Variants in STAU1 observed in about 807,000 individuals in gnomAD.
STAU1 encodes the protein staufen double-stranded RNA binding protein 1.
Under a neutral mutation model 62.9 loss-of-function variants are expected in STAU1, and 13 were observed. The ratio of observed to expected loss-of-function variants is 0.21; its 90% CI spans 0.13 to 0.33. The LOEUF is 0.33. Ranked by LOEUF, STAU1 falls within the 10% of genes least tolerant of loss-of-function variation. The pLI is 1.00. For missense variants in STAU1, 571 were observed against 712.1 expected, an observed-to-expected ratio of 0.80 and a Z score of 2.25; for synonymous variants, 269 against 265.1, an observed-to-expected ratio of 1.01 and a Z score of -0.14.
upstream of STAU1, among the ~76,000 whole-genome samples, chr20:49,190,905 A>AT (rs11477133): frequency 0.38 from 53,423 of 140,234 alleles, 12,371 homozygotes; most frequent in African/African-American, 0.66. Flanking sequence ...GAGATGCTGA[A>AT]TTTTTTTTTT....
the STAU1 span, among the ~76,000 whole-genome samples, chr20:49,202,461 G>A: frequency 6.6e-6 from 1 of 151,678 alleles, no homozygotes; most frequent in African/African-American, 2.4e-5. Flanking sequence ...CTACTGGGGA[G>A]GCTGAGGCAG....
intron 5 of STAU1, among the ~76,000 whole-genome samples, chr20:49,145,976 T>C (rs1399389885): frequency 1.3e-5 from 2 of 151,732 alleles, no homozygotes; most frequent in Non-Finnish European, 2.9e-5. Flanking sequence ...GGTTAAAGTC[T>C]CCAATTTCAG....
At chr20:49,219,013 C>CA in the STAU1 span, among the ~76,000 whole-genome samples, 9,513 of 52,038 alleles carry the variant, frequency 0.18, 1,414 homozygotes, top group African/African-American at 0.41. Context: ...AACCCTGCCT[C>CA]AAAAAAAAAA....
chr20:49,173,825 CTA>C (rs1281143898), intron 2 of STAU1, among the ~76,000 whole-genome samples: 1 of 152,106 alleles, frequency 6.6e-6, no homozygotes, highest in Non-Finnish European at 1.5e-5. Flanking sequence ...TAAATTCGTT[CTA>C]TGAGTTTGAA....
chr20:49,154,207 T>A, intron 3 of STAU1, 136 bp from the exon 4 acceptor site: 1 of 816,450 alleles, frequency 1.2e-6, no homozygotes, highest in Non-Finnish European at 1.9e-6. Context: ...GGCTCACTGC[T>A]AGGCATCAGA....
intron 1 of STAU1, among the ~76,000 whole-genome samples, chr20:49,182,761 C>A (rs944759762): frequency 1.3e-5 from 2 of 151,520 alleles, no homozygotes; most frequent in Non-Finnish European, 2.9e-5. Context: ...ATGGCATGAA[C>A]CCAGGAGGTG....
chr20:49,123,155 CTTCT>C lies in STAU1; in HGVS notation c.899_902del (p.Glu300GlyfsTer20). ...CTGTGAGGAGCGTGTACTCTGGCTC[CTTCT>C]CCTTTTTTGCCTGCTGGATCTGGGC... On this transcript the variant is annotated frameshift_variant, in exon 8 of 14. Transcript: ENST00000371856. LOFTEE classifies it high-confidence loss of function. 1 of 1,614,124 alleles carries C rather than the reference CTTCT, an allele frequency of 6.2e-7. No individual in the cohort carries two copies. Among genetic ancestry groups the C allele is most frequent in the Non-Finnish European group, 8.5e-7 (1 of 1,180,010 alleles).
chr20:49,194,991 T>C, the STAU1 span, among the ~76,000 whole-genome samples: 32 of 152,026 alleles, frequency 2.1e-4, no homozygotes, highest in African/African-American at 7.7e-4. Flanking sequence ...CCAGAAGAAT[T>C]CCTGCAAGAA....
intron 5 of STAU1, among the ~76,000 whole-genome samples, chr20:49,150,301 C>G (rs144006673): frequency 6.6e-6 from 1 of 152,018 alleles, no homozygotes; most frequent in South Asian, 2.1e-4. Context: ...ATATTGTGAA[C>G]GTACTAAAAT....
Position 49,156,203 on chromosome 20 carries a change from T to G in STAU1, c.206-2132A>C, listed in dbSNP as rs371724280. On this transcript the variant is annotated intron_variant, in intron 3 of 13. Transcript: ENST00000371856. Reference sequence around the variant, plus strand: ...GACTTGATGTGACTCTAAATTAAACTTATATTCTTGCTAATCTATACACTC... The same window carrying G: ...GACTTGATGTGACTCTAAATTAAACGTATATTCTTGCTAATCTATACACTC... Among the ~76,000 whole-genome samples the G allele has an allele frequency of 9.8e-5, 15 of 152,374 alleles. 1 individual carries two copies. The highest frequency in any genetic ancestry group is 8.3e-4 in the South Asian group (4 of 4,828).
intron 9 of STAU1, among the ~76,000 whole-genome samples, chr20:49,119,026 C>A (rs529580402): frequency 1.5e-3 from 225 of 152,264 alleles, no homozygotes; most frequent in Non-Finnish European, 2.7e-3. Context: ...CTGGCCATGA[C>A]TGATGCTGTT....
At chr20:49,204,989 A>C in the STAU1 span, among the ~76,000 whole-genome samples, 306 of 152,010 alleles carry the variant, frequency 2.0e-3, 2 homozygotes, top group African/African-American at 7.0e-3. Context: ...CATAAAAAAA[A>C]ATTCACAAGA....
At chr20:49,209,071 G>T in the STAU1 span, among the ~76,000 whole-genome samples, 4 of 151,798 alleles carry the variant, frequency 2.6e-5, no homozygotes, top group Non-Finnish European at 5.9e-5. Context: ...GAGAAGCTGG[G>T]ATTACAGGCA....
intron 1 of STAU1, among the ~76,000 whole-genome samples, chr20:49,186,177 C>G (rs986982896): frequency 6.6e-6 from 1 of 152,014 alleles, no homozygotes; most frequent in Non-Finnish European, 1.5e-5. Flanking sequence ...AAAACCCCGT[C>G]TCTACGAAAA....
At chr20:49,169,591 G>A (rs7269328) in intron 2 of STAU1, among the ~76,000 whole-genome samples, 1,736 of 152,266 alleles carry the variant, frequency 0.011, 39 homozygotes, top group African/African-American at 0.039. Flanking sequence ...TGTTTTGTTA[G>A]AGTCTTCTTA....
At chr20:49,175,638 C>A (rs960226961) in intron 1 of STAU1, among the ~76,000 whole-genome samples, 6 of 151,380 alleles carry the variant, frequency 4.0e-5, no homozygotes, top group Non-Finnish European at 8.8e-5. Context: ...CGCTACCACG[C>A]CTGGCTAATT....
chr20:49,194,568 G>A, the STAU1 span, among the ~76,000 whole-genome samples: 1 of 15,746 alleles, frequency 6.4e-5, no homozygotes, highest in Non-Finnish European at 2.5e-4. Context: ...AGGCTGCAGA[G>A]AACTATTATT....
intron 3 of STAU1, among the ~76,000 whole-genome samples, chr20:49,155,710 C>T (rs2093346688): frequency 6.6e-6 from 1 of 152,170 alleles, no homozygotes; most frequent in African/African-American, 2.4e-5. Context: ...TCTCTCTCTT[C>T]CTTGCATTAG....
chr20:49,217,773 G>T, the STAU1 span, among the ~76,000 whole-genome samples: 1 of 147,996 alleles, frequency 6.8e-6, no homozygotes, highest in Non-Finnish European at 1.5e-5. Flanking sequence ...CTTGAACCCA[G>T]GAGGTGGAGG....
Sources: allele counts gnomAD v4.1 joint callset (sites outside exome capture counted in the v4.1 genomes callset), GRCh38; gene constraint gnomAD v4.1.1; transcripts MANE v1.5; gene names NCBI Gene and HGNC (gene_info 2026-07-23, HGNC 2026-07-21).